The following RBFOX2 variants were observed in gnomAD, a reference collection of about 807,000 sequenced individuals.
RBFOX2 encodes RNA binding fox-1 homolog 2.
Under a neutral mutation model 49.1 loss-of-function variants are expected in RBFOX2, and 10 were observed. That is an observed-to-expected ratio of 0.20 (90% confidence interval 0.13 to 0.35). The LOEUF (loss-of-function observed/expected upper bound fraction) is 0.35. RBFOX2 is among the 10% of genes least tolerant of loss of function. The pLI, the probability that RBFOX2 is intolerant of heterozygous loss-of-function variation, is 1.00. For synonymous variants in RBFOX2, 183 were observed against 187.4 expected (o/e 0.98, Z 0.19); for missense variants, 323 against 486.9 (o/e 0.66, Z 3.17).
Position 35,891,773 on chromosome 22 carries a change from C to A in RBFOX2, c.-34+47074G>T, listed in dbSNP as rs556649315. On this transcript the variant is annotated intron_variant, in intron 1 of 13. Transcript: ENST00000359369. Reference sequence around the variant, plus strand: ...CAGTACAGGAATCATATCTGTCTGTCTCTTTCCCTGTTTTTGATGATGGCG... The same window carrying A: ...CAGTACAGGAATCATATCTGTCTGTATCTTTCCCTGTTTTTGATGATGGCG... Among the ~76,000 whole-genome samples, 5 of 151,756 alleles carry A rather than the reference C, an allele frequency of 3.3e-5. No homozygotes were observed. In the South Asian group the frequency reaches 1.0e-3, roughly 32 times the overall value.
At chr22:35,809,561 G>C (rs1338440726) in intron 2 of RBFOX2, among the ~76,000 whole-genome samples, 1 of 152,152 alleles carries the variant, frequency 6.6e-6, no homozygotes, top group East Asian at 1.9e-4. Context: ...AGAACACCCA[G>C]TGCTTGGCAG....
chr22:35,923,845 T>TA (rs1390469692), intron 1 of RBFOX2, among the ~76,000 whole-genome samples: 2 of 151,012 alleles, frequency 1.3e-5, no homozygotes, highest in African/African-American at 4.9e-5. Flanking sequence ...ACATAACACA[T>TA]AACTATCACC....
chr22:35,987,792 C>G (rs2057785906), intron 1 of RBFOX2, among the ~76,000 whole-genome samples: 1 of 152,162 alleles, frequency 6.6e-6, no homozygotes, highest in Non-Finnish European at 1.5e-5. Flanking sequence ...CCAATGGTCA[C>G]AGATGGGGGC....
At chr22:35,792,296 A>T (rs973801401) in intron 2 of RBFOX2, among the ~76,000 whole-genome samples, 2 of 147,090 alleles carry the variant, frequency 1.4e-5, no homozygotes, top group African/African-American at 5.1e-5. Flanking sequence ...AGCCTGGGTG[A>T]CAGAATGAAA....
chr22:35,878,591 C>T (rs1230114031), intron 1 of RBFOX2, among the ~76,000 whole-genome samples: 1 of 152,106 alleles, frequency 6.6e-6, no homozygotes, highest in Admixed American at 6.5e-5. Context: ...GTGTGTCCCA[C>T]CAACCCTGGC....
At chr22:36,022,545 C>T (rs1478437557) in intron 1 of RBFOX2, among the ~76,000 whole-genome samples, 1 of 152,202 alleles carries the variant, frequency 6.6e-6, no homozygotes, top group Admixed American at 6.5e-5. Context: ...CCTTGTAAGA[C>T]ATGGGGAAAA....
chr22:35,874,260 A>G (rs761898033), intron 1 of RBFOX2, among the ~76,000 whole-genome samples: 1 of 152,234 alleles, frequency 6.6e-6, no homozygotes, highest in Non-Finnish European at 1.5e-5. Flanking sequence ...AGGCATGTAC[A>G]AGGCAATGTA....
intron 4 of RBFOX2, among the ~76,000 whole-genome samples, chr22:35,777,478 T>C (rs1465725477): frequency 1.3e-5 from 2 of 152,244 alleles, no homozygotes; most frequent in South Asian, 4.1e-4. Context: ...GGATTGCCTA[T>C]GTGGGTAGAA....
At chr22:35,790,835 C>G (rs1236862326) in intron 2 of RBFOX2, among the ~76,000 whole-genome samples, 2 of 152,070 alleles carry the variant, frequency 1.3e-5, no homozygotes, top group African/African-American at 4.8e-5. Flanking sequence ...TGGTGAAACC[C>G]TATCTCTACA....
At chr22:35,797,386 C>G (rs1948977311) in intron 2 of RBFOX2, among the ~76,000 whole-genome samples, 1 of 152,096 alleles carries the variant, frequency 6.6e-6, no homozygotes, top group Non-Finnish European at 1.5e-5. Flanking sequence ...CAGTACTTTT[C>G]CTTGAAACAA....
intron 5 of RBFOX2, among the ~76,000 whole-genome samples, chr22:35,766,375 G>A (rs1402297103): frequency 6.6e-6 from 1 of 152,040 alleles, no homozygotes; most frequent in Non-Finnish European, 1.5e-5. Context: ...GAAAAAAGAA[G>A]CATAAAATAT....
chr22:35,756,044 G>GA (rs965941023), intron 9 of RBFOX2, 61 bp downstream of exon 11: 1,145 of 1,225,598 alleles, frequency 9.3e-4, no homozygotes, highest in South Asian at 1.4e-3. Context: ...CAAAGAAACA[G>GA]AAAAAAAAAG....
At chr22:35,896,621 T>C (rs1361821978) in intron 1 of RBFOX2, among the ~76,000 whole-genome samples, 2 of 152,192 alleles carry the variant, frequency 1.3e-5, no homozygotes, top group Non-Finnish European at 2.9e-5. Context: ...AGGGTAGAAA[T>C]AGAATCACTT....
intron 2 of RBFOX2, among the ~76,000 whole-genome samples, chr22:35,798,328 T>C (rs1883090733): frequency 6.6e-6 from 1 of 152,216 alleles, no homozygotes; most frequent in Admixed American, 6.5e-5. Context: ...AGGGGCTTTA[T>C]TTTACCTTTT....
chr22:35,807,462 A>G (rs1950975581), intron 2 of RBFOX2, among the ~76,000 whole-genome samples: 1 of 152,108 alleles, frequency 6.6e-6, no homozygotes, highest in Non-Finnish European at 1.5e-5. Flanking sequence ...GGAAATCCCC[A>G]AACATTTGGA....
intron 1 of RBFOX2, among the ~76,000 whole-genome samples, chr22:35,861,469 C>A (rs1342774438): frequency 2.0e-5 from 3 of 151,900 alleles, no homozygotes; most frequent in Non-Finnish European, 2.9e-5. Context: ...AAACAACCCA[C>A]GTTTTTTAAA....
intron 1 of RBFOX2, among the ~76,000 whole-genome samples, chr22:36,005,887 T>A (rs1304096401): frequency 1.3e-5 from 2 of 152,248 alleles, no homozygotes; most frequent in Non-Finnish European, 2.9e-5. Flanking sequence ...GTCAGCCATT[T>A]TTGGTAACTT....
At chr22:35,945,601 C>T (rs969934508) in intron 1 of RBFOX2, among the ~76,000 whole-genome samples, 5 of 152,136 alleles carry the variant, frequency 3.3e-5, no homozygotes, top group African/African-American at 1.2e-4. Context: ...CCACTACACC[C>T]GGCTAATTTT....
chr22:35,744,018 GA>G (rs1030052169), exon 12 of RBFOX2: 76 of 463,546 alleles, frequency 1.6e-4, no homozygotes, highest in African/African-American at 1.5e-3. Context: ...AAATTTAAAG[GA>G]AAAATACATA....
Sources: gnomAD v4.1 joint callset for allele counts (sites outside exome capture counted in the v4.1 genomes callset) on GRCh38, gnomAD v4.1.1 for gene constraint, MANE v1.5 for transcripts, NCBI Gene and HGNC (gene_info 2026-07-23, HGNC 2026-07-21) for gene names.